YIPF4: variants seen among roughly 807,000 people sequenced by gnomAD.
The protein encoded by YIPF4 is protein YIPF4.
Under a neutral mutation model 29.4 loss-of-function variants are expected in YIPF4, and 18 were observed. The observed-to-expected ratio is 0.61, with a 90% CI of 0.42 to 0.91. The LOEUF (loss-of-function observed/expected upper bound fraction) is 0.91, where lower values mean the gene tolerates loss of function less well. Ranked by LOEUF, YIPF4 falls within the 40% of genes least tolerant of loss-of-function variation. The pLI, the probability that YIPF4 is intolerant of heterozygous loss-of-function variation, is 0.00. For missense variants in YIPF4, 279 were observed against 282.7 expected, an observed-to-expected ratio of 0.99 and a Z score of 0.09; for synonymous variants, 115 against 104.7, an observed-to-expected ratio of 1.10 and a Z score of -0.60.
chr2:32,288,482 G>A (rs1430501603), intron 1 of YIPF4, among the ~76,000 whole-genome samples: 1 of 152,068 alleles, frequency 6.6e-6, no homozygotes, highest in Non-Finnish European at 1.5e-5. Context: ...CTGTACTAAT[G>A]ATTTCTGGAT....
rs1249464256 is a variant in YIPF4, at chr2:32,278,115, C to T, written c.-41C>T. ...GGCCGCCTCGGGGTCTGGGCCCAGC[C>T]GCAGCCTCTTCTACCGCGGCCGGTT... On this transcript the variant is annotated 5_prime_UTR_variant, in exon 1 of 6. Coordinates refer to ENST00000238831, the MANE Select transcript of YIPF4 (RefSeq NM_032312.4). The T allele has an allele frequency of 3.3e-6, 5 of 1,532,272 alleles. No homozygotes were observed. Among genetic ancestry groups the T allele is most frequent in the African/African-American group, 1.4e-5 (1 of 71,118 alleles). 94.9% of individuals were successfully genotyped at this position (1,532,272 alleles called of 1,614,324 possible).
rs1242324946 is a variant in YIPF4 at position 32,314,819 on chromosome 2, C to G, written c.*9193C>G. On this transcript the variant is annotated 3_prime_UTR_variant, in exon 6 of 6. Coordinates refer to ENST00000238831, the MANE Select transcript of YIPF4 (RefSeq NM_032312.4). ...TATTAAAAATTTAAGTCATTTAGGTCAATGAAACAGGAGGGTTTCCAGAAT... is the reference window on the plus strand; with the variant it reads ...TATTAAAAATTTAAGTCATTTAGGTGAATGAAACAGGAGGGTTTCCAGAAT... 6.6e-6 allele frequency: 1 copy of G among 152,044 alleles called. No individual in the cohort carries two copies. Among genetic ancestry groups the G allele is most frequent in the East Asian group, 1.9e-4 (1 of 5,188 alleles). The allele number at this position is 152,044 out of a possible 1,614,324, so 9.4% of individuals were successfully genotyped here. A position where few individuals can be genotyped will look rare whatever the true frequency, so the allele number is the denominator to read the frequency against.
intron 3 of YIPF4, among the ~76,000 whole-genome samples, chr2:32,296,899 G>T (rs181190122): frequency 2.0e-5 from 3 of 152,156 alleles, no homozygotes; most frequent in East Asian, 3.9e-4. Context: ...TGATTTTTCT[G>T]TTTCCCTCAA....
At chr2:32,290,340 A>T (rs148128126) in intron 1 of YIPF4, 143 bp from the exon 2 acceptor site, 1 of 477,510 alleles carries the variant, frequency 2.1e-6, no homozygotes, top group Admixed American at 4.4e-5. Context: ...TCTGTCAACT[A>T]TAAAATTTGA....
chr2:32,278,769 C>T (rs1180418072), intron 1 of YIPF4, among the ~76,000 whole-genome samples: 2 of 152,094 alleles, frequency 1.3e-5, no homozygotes, highest in African/African-American at 2.4e-5. Context: ...TAATGTTTCA[C>T]CTCAGTATTC....
Position 32,292,351 on chromosome 2 carries a change from A to G in YIPF4, c.405+3A>G. On this transcript the variant is annotated splice_donor_region_variant and intron_variant, in intron 3 of 5. Transcript: ENST00000238831. Reference sequence around the variant, plus strand: ...TATCATTATATGGACAGTTTAGGGTAAGTATATCTTATTTTATACAAATTC... The same window carrying G: ...TATCATTATATGGACAGTTTAGGGTGAGTATATCTTATTTTATACAAATTC... The G allele has an allele frequency of 6.6e-7, 1 of 1,519,466 alleles. No homozygotes were observed. Among genetic ancestry groups the G allele is most frequent in the Non-Finnish European group, 8.8e-7 (1 of 1,135,744 alleles). 94.1% of individuals were successfully genotyped at this position (1,519,466 alleles called of 1,614,324 possible).
intron 5 of YIPF4, among the ~76,000 whole-genome samples, chr2:32,303,861 G>A (rs959943572): frequency 6.6e-6 from 1 of 152,056 alleles, no homozygotes; most frequent in Non-Finnish European, 1.5e-5. Flanking sequence ...TCCTATTCCA[G>A]CCTTAGTGAA....
At position 32,289,303 on chromosome 2, in the gene YIPF4, G is replaced by A. The variant is rs937787857; in HGVS notation, c.80-1180G>A. ...CTAAGCTGGGACTTAGCTTCAGAAT[G>A]TAAACATTTGTCAAACTTAATTGCA... is the stretch of plus-strand genomic sequence containing the variant. On this transcript the variant is annotated intron_variant, in intron 1 of 5. Transcript: ENST00000238831. Among the ~76,000 whole-genome samples the A allele has an allele frequency of 1.3e-5, 2 of 152,330 alleles. 1 individual carries two copies. The highest frequency in any genetic ancestry group is 4.1e-4 in the South Asian group (2 of 4,828).
intron 4 of YIPF4, among the ~76,000 whole-genome samples, chr2:32,299,498 A>G (rs1190768482): frequency 6.6e-6 from 1 of 152,220 alleles, no homozygotes; most frequent in South Asian, 2.1e-4. Context: ...ACCTTTTCAG[A>G]TGATGGTGAA....
At chr2:32,297,667 A>T (rs1184078111) in intron 3 of YIPF4, among the ~76,000 whole-genome samples, 2 of 151,960 alleles carry the variant, frequency 1.3e-5, no homozygotes, top group Non-Finnish European at 2.9e-5. Flanking sequence ...ATAAATACAT[A>T]AATAAAATAA....
chr2:32,311,933 A>G lies in YIPF4; in HGVS notation c.*6307A>G, dbSNP rs1019476217. 2 of 152,166 alleles carry G rather than the reference A, an allele frequency of 1.3e-5. No homozygotes were observed. Among genetic ancestry groups the G allele is most frequent in the Non-Finnish European group, 2.9e-5 (2 of 68,014 alleles). The allele number at this position is 152,166 out of a possible 1,614,324, so 9.4% of individuals were successfully genotyped here. A position where few individuals can be genotyped will look rare whatever the true frequency, so the allele number is the denominator to read the frequency against. On this transcript the variant is annotated 3_prime_UTR_variant, in exon 6 of 6. Coordinates refer to ENST00000238831, the MANE Select transcript of YIPF4 (RefSeq NM_032312.4). ...TGAAGAATAAATGATTAAGTTCAAT[A>G]TTTTTGCTCTATTTTATACCTACTC...
At chr2:32,291,015 T>G (rs561386834) in intron 2 of YIPF4, 1 of 152,550 alleles carries the variant, frequency 6.6e-6, no homozygotes, top group Non-Finnish European at 1.5e-5. Context: ...CTCTTCAACA[T>G]AGAAATTCTA....
In YIPF4 at chr2:32,291,663, C is replaced by G. The variant is rs186704580; in HGVS notation, c.234-514C>G. 2.6e-5 allele frequency among the ~76,000 whole-genome samples: 4 copies of G among 152,258 alleles called. No homozygotes were observed. In the East Asian group the frequency reaches 7.7e-4, roughly 29 times the overall value. ...GTAAGACGGCATAAAGCTGGGACAT[C>G]AAAGGGCTATCTCCTTATTAGTGTA... On this transcript the variant is annotated intron_variant, in intron 2 of 5. Transcript: ENST00000238831.
intron 2 of YIPF4, among the ~76,000 whole-genome samples, chr2:32,291,909 G>T (rs2030935225): frequency 6.6e-6 from 1 of 152,172 alleles, no homozygotes; most frequent in South Asian, 2.1e-4. Context: ...ACTGGCAAAA[G>T]GAAAGGTAAA....
chr2:32,303,999 A>G (rs1301372883), intron 5 of YIPF4, among the ~76,000 whole-genome samples: 1 of 152,228 alleles, frequency 6.6e-6, no homozygotes, highest in African/African-American at 2.4e-5. Flanking sequence ...TAGTTATCTT[A>G]AAGTTGGACC....
intron 5 of YIPF4, among the ~76,000 whole-genome samples, chr2:32,303,641 G>T (rs13401451): frequency 6.6e-6 from 1 of 152,114 alleles, no homozygotes; most frequent in South Asian, 2.1e-4. Flanking sequence ...AGCAGTGATC[G>T]TACCATTGTA....
intron 1 of YIPF4, among the ~76,000 whole-genome samples, chr2:32,289,205 T>C (rs1460904784): frequency 3.3e-5 from 5 of 152,202 alleles, no homozygotes; most frequent in Admixed American, 6.5e-5. Flanking sequence ...TATATAATGT[T>C]TAACCTGGAA....
chr2:32,307,490 A>G lies in YIPF4; in HGVS notation c.*1864A>G, dbSNP rs952589470. 1.3e-5 allele frequency: 2 copies of G among 154,318 alleles called. No individual in the cohort carries two copies. Among genetic ancestry groups the G allele is most frequent in the African/African-American group, 2.4e-5 (1 of 41,458 alleles). 9.6% of individuals were successfully genotyped at this position (154,318 alleles called of 1,614,324 possible). ...GATAAAATGAGGTATTTTTGTTCCAAAAAGTATTTTAAAATAGCATTTAAT... is the reference window on the plus strand; with the variant it reads ...GATAAAATGAGGTATTTTTGTTCCAGAAAGTATTTTAAAATAGCATTTAAT... On this transcript the variant is annotated 3_prime_UTR_variant, in exon 6 of 6. Transcript: ENST00000238831.
Position 32,292,125 on chromosome 2 carries a change from T to G in YIPF4, c.234-52T>G. On this transcript the variant is annotated intron_variant, in intron 2 of 5. Transcript: ENST00000238831. ...TTTCTTAATTTTTTTTTGGAATTGT[T>G]TTAGTATTCAGAAATGTGTGCCTTT... is the stretch of plus-strand genomic sequence containing the variant. The G allele has an allele frequency of 2.4e-6, 3 of 1,228,422 alleles. No homozygotes were observed. The South Asian group carries it at 6.8e-5, about 28-fold the overall frequency. The allele number at this position is 1,228,422 out of a possible 1,614,324, so 76.1% of individuals were successfully genotyped here. A position where few individuals can be genotyped will look rare whatever the true frequency, so the allele number is the denominator to read the frequency against.
Sources: gnomAD v4.1 joint callset for allele counts (sites outside exome capture counted in the v4.1 genomes callset) on GRCh38, gnomAD v4.1.1 for gene constraint, MANE v1.5 for transcripts, NCBI Gene and HGNC (gene_info 2026-07-23, HGNC 2026-07-21) for gene names.